Variants in OPCML observed in about 807,000 individuals in gnomAD.
OPCML encodes opioid-binding protein/cell adhesion molecule.
OPCML carries 13 observed loss-of-function variants against 37.8 expected under a neutral mutation model. The observed-to-expected ratio is 0.34, with a 90% CI of 0.22 to 0.55. The LOEUF (loss-of-function observed/expected upper bound fraction) is 0.55. Ranked by LOEUF, OPCML falls within the 20% of genes least tolerant of loss-of-function variation. The probability of loss-of-function intolerance (pLI) is 0.91; values close to 1 mark genes in which losing one functional copy is unlikely to be tolerated. For missense variants in OPCML, 341 were observed against 435.6 expected, an observed-to-expected ratio of 0.78 and a Z score of 1.93; for synonymous variants, 176 against 168.8, an observed-to-expected ratio of 1.04 and a Z score of -0.33.
chr11:132,792,663 G>A (rs1402902914), intron 2 of OPCML, among the ~76,000 whole-genome samples: 2 of 152,128 alleles, frequency 1.3e-5, no homozygotes, highest in South Asian at 2.1e-4. Context: ...ATGGAAGGGC[G>A]GAGAGGGGGT....
chr11:133,118,871 ATCCAGTGGAGACCC>A (rs1949378998), intron 1 of OPCML, among the ~76,000 whole-genome samples: 3 of 152,168 alleles, frequency 2.0e-5, no homozygotes. Context: ...CATGGACGTG[ATCCAGTGGAGACCC>A]TCCACCAAGC....
In OPCML at chr11:133,004,165, A is replaced by G. The variant is rs373243185; in HGVS notation, c.62-61155T>C. On this transcript the variant is annotated intron_variant, in intron 1 of 7. Coordinates refer to ENST00000524381, the MANE Select transcript of OPCML (RefSeq NM_001012393.5). Reference sequence around the variant, plus strand: ...GCAGGCAGCCCAGAGAGTGGGTCTCACTCCTCTGCCGTCTCATCTGAGGCC... The same window carrying G: ...GCAGGCAGCCCAGAGAGTGGGTCTCGCTCCTCTGCCGTCTCATCTGAGGCC... The G allele has an allele frequency of 9.0e-5, 89 of 985,082 alleles. No individual in the cohort carries two copies. In the East Asian group the frequency reaches 8.1e-3, roughly 90 times the overall value. The allele number at this position is 985,082 out of a possible 1,614,324, so 61.0% of individuals were successfully genotyped here.
chr11:133,191,882 T>C (rs1042883817), intron 1 of OPCML, among the ~76,000 whole-genome samples: 7 of 152,180 alleles, frequency 4.6e-5, no homozygotes, highest in Non-Finnish European at 8.8e-5. Context: ...GTACAGTCAT[T>C]GGTCATATTT....
intron 1 of OPCML, among the ~76,000 whole-genome samples, chr11:133,112,806 G>A (rs368946319): frequency 2.0e-5 from 3 of 152,052 alleles, no homozygotes; most frequent in Admixed American, 6.5e-5. Context: ...AGGGCGAGCA[G>A]GTTAAAGGAC....
At chr11:133,170,320 CA>C (rs200874349) in intron 1 of OPCML, among the ~76,000 whole-genome samples, 1 of 152,170 alleles carries the variant, frequency 6.6e-6, no homozygotes, top group African/African-American at 2.4e-5. Context: ...AATAAAAATA[CA>C]AAAAAATACA....
chr11:132,473,191 C>T (rs969859257), intron 4 of OPCML, among the ~76,000 whole-genome samples: 4 of 152,342 alleles, frequency 2.6e-5, no homozygotes, highest in African/African-American at 9.6e-5. Flanking sequence ...TTCCCAGGGG[C>T]AGATTCCCAG....
intron 3 of OPCML, among the ~76,000 whole-genome samples, chr11:132,555,962 A>T (rs558408036): frequency 1.3e-5 from 2 of 152,090 alleles, no homozygotes; most frequent in Non-Finnish European, 1.5e-5. Flanking sequence ...TTTTTGAGAC[A>T]GGGTCTCCTT....
intron 3 of OPCML, among the ~76,000 whole-genome samples, chr11:132,563,993 C>T (rs1466467594): frequency 1.3e-5 from 2 of 152,190 alleles, no homozygotes; most frequent in African/African-American, 4.8e-5. Context: ...AAGAAGGGGA[C>T]TCTCAGCGTT....
chr11:133,286,336 G>A (rs554373615), intron 1 of OPCML, among the ~76,000 whole-genome samples: 1 of 151,962 alleles, frequency 6.6e-6, no homozygotes, highest in African/African-American at 2.4e-5. Flanking sequence ...CGGGCGTGGT[G>A]GCGGGCGCCT....
intron 1 of OPCML, among the ~76,000 whole-genome samples, chr11:133,506,935 G>T (rs193169479): frequency 5.3e-4 from 80 of 152,340 alleles, no homozygotes; most frequent in African/African-American, 1.9e-3. Context: ...GGTTCCCACA[G>T]TGCCCCCACT....
intron 3 of OPCML, among the ~76,000 whole-genome samples, chr11:132,655,286 C>T (rs952349384): frequency 6.6e-6 from 1 of 152,164 alleles, no homozygotes; most frequent in African/African-American, 2.4e-5. Flanking sequence ...ACTTCCGATG[C>T]CGAGAATGTC....
chr11:133,323,474 G>A (rs183197557), intron 1 of OPCML, among the ~76,000 whole-genome samples: 23 of 152,262 alleles, frequency 1.5e-4, no homozygotes, highest in South Asian at 8.3e-4. Flanking sequence ...ACAAGCACCC[G>A]AAAGGCACCC....
In OPCML at chr11:133,203,230, T is replaced by C. The variant is rs544909758; in HGVS notation, c.62-260220A>G. Among the ~76,000 whole-genome samples, 509 of 152,316 alleles carry C rather than the reference T, an allele frequency of 3.3e-3. 1 individual carries two copies. The highest frequency in any genetic ancestry group is 5.4e-3 in the Non-Finnish European group (366 of 68,040). On this transcript the variant is annotated intron_variant, in intron 1 of 7. Coordinates refer to ENST00000524381, the MANE Select transcript of OPCML (RefSeq NM_001012393.5). ...CTTCCAAGCAAGTTACTCAATCTCT[T>C]TGGGATAGGTTTGCTCATCTGAAAC...
intron 4 of OPCML, among the ~76,000 whole-genome samples, chr11:132,445,173 T>C (rs1592185122): frequency 6.6e-6 from 1 of 152,338 alleles, no homozygotes; most frequent in East Asian, 1.9e-4. Context: ...ATCAATGTGT[T>C]ACTGTGAAAG....
intron 1 of OPCML, among the ~76,000 whole-genome samples, chr11:133,504,565 T>C (rs1298972120): frequency 6.6e-6 from 1 of 152,136 alleles, no homozygotes; most frequent in African/African-American, 2.4e-5. Flanking sequence ...TGAGATCTGA[T>C]TAATTGTGCC....
intron 2 of OPCML, among the ~76,000 whole-genome samples, chr11:132,844,673 A>G (rs972374255): frequency 1.3e-5 from 2 of 152,208 alleles, no homozygotes; most frequent in Non-Finnish European, 2.9e-5. Context: ...TTTGCAGGCT[A>G]TATATTCTCT....
At chr11:132,533,724 T>C (rs1202101504) in intron 3 of OPCML, among the ~76,000 whole-genome samples, 1 of 152,146 alleles carries the variant, frequency 6.6e-6, no homozygotes, top group East Asian at 1.9e-4. Flanking sequence ...GTACCTTTAT[T>C]TGTACCTTTA....
chr11:132,779,339 C>A (rs1178567153), intron 2 of OPCML, among the ~76,000 whole-genome samples: 5 of 152,056 alleles, frequency 3.3e-5, no homozygotes, highest in South Asian at 2.1e-4. Context: ...AAGACAGTTT[C>A]TCTATAATAT....
chr11:133,403,820 C>T (rs1945462449), intron 1 of OPCML, among the ~76,000 whole-genome samples: 2 of 152,222 alleles, frequency 1.3e-5, no homozygotes, highest in Non-Finnish European at 2.9e-5. Context: ...TGTGTATTCA[C>T]ATTAATGATC....
Sources: allele counts gnomAD v4.1 joint callset (sites outside exome capture counted in the v4.1 genomes callset), GRCh38; gene constraint gnomAD v4.1.1; transcripts MANE v1.5; gene names NCBI Gene and HGNC (gene_info 2026-07-23, HGNC 2026-07-21).